The following CACUL1 variants were observed in gnomAD, a reference collection of about 807,000 sequenced individuals.
CACUL1 encodes CDK2-associated and cullin domain-containing protein 1.
A neutral mutation model predicts 45.2 loss-of-function variants in CACUL1; 13 were observed. The observed-to-expected ratio is 0.29, with a 90% confidence interval of 0.19 to 0.46. CACUL1 has a LOEUF of 0.46. Among genes scored for constraint, CACUL1 ranks in the 20% least tolerant of loss-of-function variants. CACUL1 has a pLI of 1.00. For missense variants in CACUL1, 421 were observed against 471.4 expected, an observed-to-expected ratio of 0.89 and a Z score of 0.99; for synonymous variants, 197 against 174.2, an observed-to-expected ratio of 1.13 and a Z score of -1.03.
At chr10:118,697,673 A>G (rs986281697) in intron 5 of CACUL1, among the ~76,000 whole-genome samples, 1 of 152,230 alleles carries the variant, frequency 6.6e-6, no homozygotes, top group African/African-American at 2.4e-5. Context: ...TCAAACTACA[A>G]TGGTTTGATC....
chr10:118,752,113 AAAT>A (rs1322083951), intron 1 of CACUL1, among the ~76,000 whole-genome samples: 10 of 152,308 alleles, frequency 6.6e-5, no homozygotes, highest in African/African-American at 2.2e-4. Context: ...TATTATCTGC[AAAT>A]AATAACTTTT....
Position 118,684,374 on chromosome 10 carries a change from T to C in CACUL1, c.*1754A>G, listed in dbSNP as rs999281659. Reference sequence around the variant, plus strand: ...TGAGAAAAGTAAAATGTGAATGTCATGATGAATGGAATTCTCCTTGATACT... The same window carrying C: ...TGAGAAAAGTAAAATGTGAATGTCACGATGAATGGAATTCTCCTTGATACT... On this transcript the variant is annotated 3_prime_UTR_variant, in exon 9 of 9. Transcript: ENST00000369151. 6.6e-6 allele frequency: 1 copy of C among 152,250 alleles called. No individual in the cohort carries two copies. The highest frequency in any genetic ancestry group is 2.4e-5 in the African/African-American group (1 of 41,452). 9.4% of individuals were successfully genotyped at this position (152,250 alleles called of 1,614,324 possible). A position where few individuals can be genotyped will look rare whatever the true frequency, so the allele number is the denominator to read the frequency against.
intron 1 of CACUL1, among the ~76,000 whole-genome samples, chr10:118,747,381 A>T (rs1845854219): frequency 6.6e-6 from 1 of 152,168 alleles, no homozygotes; most frequent in South Asian, 2.1e-4. Context: ...ACGTATCAGT[A>T]ATATATAAGC....
chr10:118,723,422 C>T (rs1845620138), intron 3 of CACUL1, among the ~76,000 whole-genome samples: 1 of 152,026 alleles, frequency 6.6e-6, no homozygotes, highest in African/African-American at 2.4e-5. Context: ...ATTCTTATAT[C>T]CTAGAAGACA....
At chr10:118,717,441 C>G (rs912881067) in intron 3 of CACUL1, among the ~76,000 whole-genome samples, 1 of 152,148 alleles carries the variant, frequency 6.6e-6, no homozygotes, top group Admixed American at 6.5e-5. Flanking sequence ...TCCCCCTCAG[C>G]TTAGAATGCA....
chr10:118,715,711 C>T (rs1046659654), intron 3 of CACUL1, among the ~76,000 whole-genome samples: 10 of 152,128 alleles, frequency 6.6e-5, no homozygotes, highest in African/African-American at 2.4e-4. Context: ...CCCCCATCCT[C>T]GTCCCCAGCC....
chr10:118,694,517 A>C (rs186848718), intron 6 of CACUL1, among the ~76,000 whole-genome samples: 1 of 152,008 alleles, frequency 6.6e-6, no homozygotes, highest in Admixed American at 6.5e-5. Context: ...ATGGACATTT[A>C]TAAGTTGCTA....
intron 5 of CACUL1, among the ~76,000 whole-genome samples, chr10:118,700,704 G>A (rs149011561): frequency 0.023 from 2,785 of 119,334 alleles, 170 homozygotes; most frequent in East Asian, 0.19. Context: ...GCGACAGAGC[G>A]AGACTCCGTC....
intron 1 of CACUL1, among the ~76,000 whole-genome samples, chr10:118,754,100 G>A (rs758873501): frequency 8.5e-5 from 13 of 152,182 alleles, no homozygotes; most frequent in Non-Finnish European, 1.5e-4. Flanking sequence ...AATGTTGAGA[G>A]ACTGCCAGTT....
chr10:118,691,866 CAAAAAAAAAAAAAAAAA>C (rs754241223), intron 6 of CACUL1, among the ~76,000 whole-genome samples: 1 of 95,460 alleles, frequency 1.0e-5, no homozygotes, highest in Admixed American at 1.2e-4. Context: ...GACTCCGTCT[CAAAAAAAAAAAAAAAAA>C]AAAAAAAGAA....
chr10:118,701,221 G>A (rs371285853), intron 5 of CACUL1, 85 bp downstream of exon 5: 10 of 690,740 alleles, frequency 1.4e-5, no homozygotes, highest in Admixed American at 2.7e-5. Context: ...TGGGGTTTAC[G>A]TGACAATGCT....
At chr10:118,727,296 G>A (rs1045690576) in intron 3 of CACUL1, among the ~76,000 whole-genome samples, 5 of 151,626 alleles carry the variant, frequency 3.3e-5, no homozygotes, top group African/African-American at 9.7e-5. Flanking sequence ...GGGAGGCTGG[G>A]GTGGGAGGAT....
chr10:118,707,199 AAC>A (rs1168706337), intron 4 of CACUL1, among the ~76,000 whole-genome samples: 2 of 152,200 alleles, frequency 1.3e-5, no homozygotes, highest in Non-Finnish European at 2.9e-5. Context: ...TCTGGAACCA[AAC>A]ACAGTGCCTT....
chr10:118,726,091 CAACAAT>C (rs2119634303), intron 3 of CACUL1, among the ~76,000 whole-genome samples: 1 of 151,668 alleles, frequency 6.6e-6, no homozygotes, highest in Admixed American at 6.7e-5. Flanking sequence ...TGGCTCATAA[CAACAAT>C]ATTTCATTAT....
chr10:118,734,272 T>C (rs1375117785), intron 1 of CACUL1, among the ~76,000 whole-genome samples: 1 of 152,210 alleles, frequency 6.6e-6, no homozygotes, highest in African/African-American at 2.4e-5. Context: ...ACCAGTATAT[T>C]GCGGCTGTGC....
At chr10:118,713,447 G>A (rs917129170) in intron 3 of CACUL1, among the ~76,000 whole-genome samples, 12 of 152,232 alleles carry the variant, frequency 7.9e-5, no homozygotes, top group Non-Finnish European at 1.5e-4. Context: ...ACCTGTTGAC[G>A]CCTCCCTGCT....
chr10:118,718,825 G>A (rs1263410486), intron 3 of CACUL1, among the ~76,000 whole-genome samples: 3 of 151,854 alleles, frequency 2.0e-5, no homozygotes, highest in East Asian at 1.9e-4. Flanking sequence ...CACCTGCCTC[G>A]GCCTCCCAAA....
intron 4 of CACUL1, 148 bp from the exon 5 acceptor site, chr10:118,701,556 A>T (rs1845380219): frequency 2.0e-6 from 1 of 490,156 alleles, no homozygotes; most frequent in African/African-American, 1.9e-5. Context: ...AAGCCATGCA[A>T]CTATTAGTTA....
chr10:118,712,046 T>C (rs749773847), intron 3 of CACUL1, among the ~76,000 whole-genome samples: 6 of 152,234 alleles, frequency 3.9e-5, no homozygotes, highest in Non-Finnish European at 8.8e-5. Context: ...ATTCAAGTTT[T>C]TACCCCTGAA....
Sources: gnomAD v4.1 joint callset for allele counts (sites outside exome capture counted in the v4.1 genomes callset) on GRCh38, gnomAD v4.1.1 for gene constraint, MANE v1.5 for transcripts, NCBI Gene and HGNC (gene_info 2026-07-23, HGNC 2026-07-21) for gene names.